Variants in SPPL3 observed in about 807,000 individuals in gnomAD.
SPPL3 encodes signal peptide peptidase like 3.
Under a neutral mutation model 42.4 loss-of-function variants are expected in SPPL3, and 5 were observed. That is an observed-to-expected ratio of 0.12 (90% CI 0.06 to 0.25). The LOEUF is 0.25. Among genes scored for constraint, SPPL3 ranks in the 10% least tolerant of loss-of-function variants. The pLI is 1.00. For missense variants in SPPL3, 235 were observed against 489.0 expected (o/e 0.48, Z 4.90); for synonymous variants, 195 against 181.8 (o/e 1.07, Z -0.58).
chr12:120,788,670 CTT>C (rs1187081726), intron 3 of SPPL3, among the ~76,000 whole-genome samples: 1 of 152,212 alleles, frequency 6.6e-6, no homozygotes, highest in African/African-American at 2.4e-5. Context: ...TCTCCTATCT[CTT>C]TACAAATTCC....
rs532846908 is a variant in SPPL3 at position 120,788,641 on chromosome 12, C to T, written c.190+2828G>A. The stretch of plus-strand genomic sequence containing the variant: ...CGTACCCCACCAATGATGCTGGCTA[C>T]ACCTACAACTTCTCCTGCTCTCCTA... On this transcript the variant is annotated intron_variant, in intron 3 of 10. Coordinates refer to ENST00000353487, the MANE Select transcript of SPPL3 (RefSeq NM_139015.5). 4.6e-5 allele frequency among the ~76,000 whole-genome samples: 7 copies of T among 152,348 alleles called. 1 individual carries two copies. The Middle Eastern group carries it at 0.01, about 222-fold the overall frequency.
chr12:120,796,578 G>A (rs591489), intron 2 of SPPL3, among the ~76,000 whole-genome samples: 14,923 of 152,050 alleles, frequency 0.098, 1,590 homozygotes, highest in African/African-American at 0.27. Flanking sequence ...GCTAGACATT[G>A]TGAATTTTAC....
At position 120,858,935 on chromosome 12, in the gene SPPL3, G is replaced by A. The variant is rs370378710; in HGVS notation, c.23+44910C>T. 1.9e-4 allele frequency among the ~76,000 whole-genome samples: 29 copies of A among 152,184 alleles called. No homozygotes were observed. In the East Asian group the frequency reaches 4.4e-3, roughly 23 times the overall value. On this transcript the variant is annotated intron_variant, in intron 1 of 10. Transcript: ENST00000353487. ...ATGGTAAATTTGTTTAACTTTTTAC[G>A]AATCAGTTTCTTTTTATAATCTATC... is the stretch of plus-strand genomic sequence containing the variant.
chr12:120,824,073 T>C (rs1175594269), intron 1 of SPPL3, among the ~76,000 whole-genome samples: 2 of 151,940 alleles, frequency 1.3e-5, no homozygotes, highest in Admixed American at 6.6e-5. Context: ...GGTTTCACGG[T>C]GTTAGCCAGG....
rs896996277 is a variant in SPPL3 at position 120,766,141 on chromosome 12, C to G, written c.1083+122G>C. The G allele has an allele frequency of 1.1e-4, 73 of 681,066 alleles. No homozygotes were observed. The African/African-American group carries it at 1.3e-3, about 12-fold the overall frequency. The allele number at this position is 681,066 out of a possible 1,614,324, so 42.2% of individuals were successfully genotyped here. On this transcript the variant is annotated intron_variant, in intron 10 of 10. Coordinates refer to ENST00000353487, the MANE Select transcript of SPPL3 (RefSeq NM_139015.5). ...ACACACACACACACACACACACACACAGTCGAGATCACAAGCTCACTCAGG... is the reference window on the plus strand; with the variant it reads ...ACACACACACACACACACACACACAGAGTCGAGATCACAAGCTCACTCAGG...
intron 1 of SPPL3, among the ~76,000 whole-genome samples, chr12:120,856,520 T>G (rs1358947978): frequency 3.4e-4 from 51 of 148,546 alleles, no homozygotes; most frequent in Non-Finnish European, 6.3e-4. Flanking sequence ...TTTTTTTTTT[T>G]TTTTTTTGAG....
chr12:120,815,537 G>T (rs1870838061), intron 1 of SPPL3, among the ~76,000 whole-genome samples: 1 of 152,032 alleles, frequency 6.6e-6, no homozygotes, highest in South Asian at 2.1e-4. Context: ...GGATGACTTT[G>T]TTTTTGTATC....
intron 1 of SPPL3, among the ~76,000 whole-genome samples, chr12:120,876,527 G>T (rs1177232387): frequency 1.4e-5 from 2 of 147,086 alleles, no homozygotes; most frequent in Non-Finnish European, 3.0e-5. Flanking sequence ...TGAGGCAGGA[G>T]AATGGCGTGA....
intron 1 of SPPL3, among the ~76,000 whole-genome samples, chr12:120,850,760 G>A (rs1040827368): frequency 6.6e-6 from 1 of 152,162 alleles, no homozygotes; most frequent in South Asian, 2.1e-4. Flanking sequence ...TCCCTGTGAG[G>A]GCTCTGAGGG....
intron 1 of SPPL3, among the ~76,000 whole-genome samples, chr12:120,817,424 C>T (rs893810807): frequency 6.6e-6 from 1 of 152,192 alleles, no homozygotes; most frequent in Non-Finnish European, 1.5e-5. Context: ...CCACAGATGA[C>T]CCTGTTTCCA....
intron 1 of SPPL3, among the ~76,000 whole-genome samples, chr12:120,887,295 A>G (rs1480072903): frequency 6.6e-6 from 1 of 152,192 alleles, no homozygotes; most frequent in Non-Finnish European, 1.5e-5. Context: ...TGGCTACCAG[A>G]AAACTTTACA....
intron 1 of SPPL3, among the ~76,000 whole-genome samples, chr12:120,874,471 GAATAA>G (rs1873022467): frequency 8.0e-6 from 1 of 125,150 alleles, no homozygotes; most frequent in Admixed American, 7.9e-5. Flanking sequence ...AAAAAAAAAA[GAATAA>G]AAGAAATAAG....
chr12:120,812,514 T>C (rs1453340016), intron 1 of SPPL3, among the ~76,000 whole-genome samples: 1 of 152,194 alleles, frequency 6.6e-6, no homozygotes, highest in Admixed American at 6.5e-5. Flanking sequence ...AAGATGTATA[T>C]ATACTGAGAG....
chr12:120,832,967 G>A (rs1452730372), intron 1 of SPPL3, among the ~76,000 whole-genome samples: 1 of 152,120 alleles, frequency 6.6e-6, no homozygotes. Flanking sequence ...CTGCTTCTGA[G>A]TCAAGATTAC....
chr12:120,840,503 G>C (rs1437503563), intron 1 of SPPL3, among the ~76,000 whole-genome samples: 2 of 151,932 alleles, frequency 1.3e-5, no homozygotes, highest in African/African-American at 4.8e-5. Flanking sequence ...CATGTGTATG[G>C]GTTTCTCTTT....
intron 1 of SPPL3, chr12:120,845,299 G>T: frequency 2.9e-6 from 1 of 348,170 alleles, no homozygotes; most frequent in Non-Finnish European, 5.8e-6. Flanking sequence ...CAGGAGGACA[G>T]TATCCCAGAG....
At chr12:120,801,048 G>A (rs1870276956) in intron 2 of SPPL3, among the ~76,000 whole-genome samples, 1 of 152,194 alleles carries the variant, frequency 6.6e-6, no homozygotes, top group Non-Finnish European at 1.5e-5. Flanking sequence ...GTTTTCAGAA[G>A]GGCTGGAAAT....
chr12:120,837,032 A>G (rs532293425), intron 1 of SPPL3, among the ~76,000 whole-genome samples: 2 of 152,328 alleles, frequency 1.3e-5, no homozygotes, highest in African/African-American at 4.8e-5. Flanking sequence ...TATGTCAATA[A>G]AAATTTCAAA....
intron 2 of SPPL3, among the ~76,000 whole-genome samples, chr12:120,808,631 T>TAC (rs1251391795): frequency 6.6e-6 from 1 of 152,228 alleles, no homozygotes; most frequent in African/African-American, 2.4e-5. Context: ...ATCATCACTG[T>TAC]AACAGTCCAC....
Sources: allele counts gnomAD v4.1 joint callset (sites outside exome capture counted in the v4.1 genomes callset), GRCh38; gene constraint gnomAD v4.1.1; transcripts MANE v1.5; gene names NCBI Gene and HGNC (gene_info 2026-07-23, HGNC 2026-07-21).